DYNLT4: variants seen among roughly 807,000 people sequenced by gnomAD.
DYNLT4 encodes Tctex1 domain containing 4.
DYNLT4 carries 3 observed loss-of-function variants against 1.5 expected under a neutral mutation model. The ratio of observed to expected loss-of-function variants is 1.97; its 90% CI spans 0.90 to 5.08. DYNLT4 has a LOEUF of 5.08. Ranked by LOEUF, DYNLT4 falls within the 30% of genes most tolerant of loss-of-function variation. The pLI, the probability that DYNLT4 is intolerant of heterozygous loss-of-function variation, is 0.02. For missense variants in DYNLT4, 346 were observed against 341.0 expected (o/e 1.01, Z -0.12); for synonymous variants, 181 against 160.0 (o/e 1.13, Z -0.99).
chr1:44,807,307 C>T lies in DYNLT4; in HGVS notation c.-67+18G>A, dbSNP rs368632854. ...TTCTGAGATGGCTGCCCTCTGCTCC[C>T]GAAACTCCCTCAGGCACCTGAGTCA... is the stretch of plus-strand genomic sequence containing the variant. On this transcript the variant is annotated intron_variant, in intron 1 of 2. Coordinates refer to ENST00000339355, the MANE Select transcript of DYNLT4 (RefSeq NM_001377534.1). 1.5e-4 allele frequency among the ~76,000 whole-genome samples: 23 copies of T among 152,354 alleles called. No individual in the cohort carries two copies. The highest frequency in any genetic ancestry group is 1.4e-3 in the East Asian group (7 of 5,182).
intron 2 of DYNLT4, 21 bp from the exon 3 acceptor site, chr1:44,806,700 G>A: frequency 2.1e-6 from 3 of 1,432,576 alleles, no homozygotes; most frequent in Non-Finnish European, 2.7e-6. Context: ...CACACTCAGG[G>A]TGGCCTTCAC....
At position 44,806,471 on chromosome 1, in the gene DYNLT4, C is replaced by T. The variant is rs146912347; in HGVS notation, c.198G>A (p.Ser66=). The T allele has an allele frequency of 5.3e-3, 8,024 of 1,522,382 alleles. 41 individuals carry two copies. The highest frequency in any genetic ancestry group is 0.014 in the East Asian group (554 of 39,282). The allele number at this position is 1,522,382 out of a possible 1,614,324, so 94.3% of individuals were successfully genotyped here. A position where few individuals can be genotyped will look rare whatever the true frequency, so the allele number is the denominator to read the frequency against. The part of the protein sequence containing the change: ...GLAASFSRRN[S]LVGPGAGPGG... ...CAGGACCCGCGCCTGGCCCGACCAG[C>T]GAGTTGCGGCGGGAGAAGGACGCGG... The change falls in exon 3 of 3, where the codon TCG becomes TCA. Residue 66 remains serine, a synonymous_variant. Coordinates refer to ENST00000339355, the MANE Select transcript of DYNLT4 (RefSeq NM_001377534.1).
rs1445660139 is a variant in DYNLT4, at chr1:44,806,197, C to T, written c.472G>A (p.Val158Ile). 6.5e-7 allele frequency: 1 copy of T among 1,546,888 alleles called. No homozygotes were observed. Residue 158 changes from valine (V) to isoleucine (I), a missense_variant, in exon 3 of 3, where the codon GTT (valine) becomes ATT (isoleucine). Transcript: ENST00000339355. ...GGCGGGCTGAGCTCGCGCAGGCGAA[C>T]GTGCACCTGCTCGCAGAGCTCCCGC... ...LVRELCEQVH[V>I]RLRELSPPRY...
In DYNLT4 at chr1:44,806,510, GGAGCCCCGGCGCGAGGCCGGGGCTGGAC is replaced by G; in HGVS notation, c.131_158del (p.Gly44AlafsTer205). On this transcript the variant is annotated frameshift_variant, in exon 3 of 3. Transcript: ENST00000339355. LOFTEE classifies it low-confidence loss of function (END_TRUNC). The stretch of plus-strand genomic sequence containing the variant: ...AGAAGGACGCGGCCAGGCCCAGCAT[GGAGCCCCGGCGCGAGGCCGGGGCTGGAC>G]CTGGACCTGCCGGTCGGGCCTCATC... The G allele has an allele frequency of 6.7e-7, 1 of 1,503,402 alleles. No homozygotes were observed. The highest frequency in any genetic ancestry group is 8.8e-7 in the Non-Finnish European group (1 of 1,133,528). The allele number at this position is 1,503,402 out of a possible 1,614,324, so 93.1% of individuals were successfully genotyped here. A position where few individuals can be genotyped will look rare whatever the true frequency, so the allele number is the denominator to read the frequency against.
Position 44,806,383 on chromosome 1 carries a change from A to G in DYNLT4, c.286T>C (p.Leu96=). Residue 96 remains leucine (L), a synonymous_variant, in exon 3 of 3, where the codon TTG becomes CTG. Coordinates refer to ENST00000339355, the MANE Select transcript of DYNLT4 (RefSeq NM_001377534.1). ...PLGSRVSFSG[L]PLAPARWVAP... is the part of the protein sequence containing the mutation. ...ACCCAACGGGCGGGCGCCAGGGGCA[A>G]CCCTGAGAAGCTGACCCTTGAGCCC... The G allele has an allele frequency of 6.5e-7, 1 of 1,529,058 alleles. No homozygotes were observed. Among genetic ancestry groups the G allele is most frequent in the Non-Finnish European group, 8.7e-7 (1 of 1,144,006 alleles). 94.7% of individuals were successfully genotyped at this position (1,529,058 alleles called of 1,614,324 possible).
At position 44,806,521 on chromosome 1, in the gene DYNLT4, GCGAGGC is replaced by G. The variant is rs1323252312; in HGVS notation, c.142_147del (p.Ala48_Ser49del). On this transcript the variant is annotated inframe_deletion, in exon 3 of 3. Transcript: ENST00000339355. ...GCCAGGCCCAGCATGGAGCCCCGGC[GCGAGGC>G]CGGGGCTGGACCTGGACCTGCCGGT... 4.7e-6 allele frequency: 7 copies of G among 1,496,146 alleles called. No individual in the cohort carries two copies. The East Asian group carries it at 1.8e-4, about 39-fold the overall frequency. The allele number at this position is 1,496,146 out of a possible 1,614,324, so 92.7% of individuals were successfully genotyped here.
Position 44,806,481 on chromosome 1 carries a change from C to A in DYNLT4, c.188G>T (p.Arg63Leu). 6.6e-7 allele frequency: 1 copy of A among 1,516,558 alleles called. No homozygotes were observed. Among genetic ancestry groups the A allele is most frequent in the Non-Finnish European group, 8.8e-7 (1 of 1,138,624 alleles). 93.9% of individuals were successfully genotyped at this position (1,516,558 alleles called of 1,614,324 possible). The change falls in exon 3 of 3, where the codon CGC becomes CTC. Residue 63 changes from arginine to leucine, a missense_variant. Arg to Leu is a moderately radical substitution (Grantham distance 102). Transcript: ENST00000339355. ...SMLGLAASFS[R>L]RNSLVGPGAG... The stretch of plus-strand genomic sequence containing the variant: ...GCCTGGCCCGACCAGCGAGTTGCGG[C>A]GGGAGAAGGACGCGGCCAGGCCCAG...
rs1408831317 is a variant in DYNLT4 at position 44,806,204 on chromosome 1, C to T, written c.465G>A (p.Gln155=). 4 of 1,543,782 alleles carry T rather than the reference C, an allele frequency of 2.6e-6. No homozygotes were observed. The highest frequency in any genetic ancestry group is 2.6e-6 in the Non-Finnish European group (3 of 1,148,440). The stretch of plus-strand genomic sequence containing the variant: ...TGAGCTCGCGCAGGCGAACGTGCAC[C>T]TGCTCGCAGAGCTCCCGCACCAGCC... The part of the protein sequence containing the change: ...AARLVRELCE[Q]VHVRLRELSP... Residue 155 remains glutamine (Q), a synonymous_variant, in exon 3 of 3, where the codon CAG becomes CAA. Transcript: ENST00000339355.
Position 44,806,771 on chromosome 1 carries a change from A to AC in DYNLT4, c.-12+12dup. On this transcript the variant is annotated intron_variant, in intron 2 of 2. Transcript: ENST00000339355. ...GTGATGTCAAGGGTTTTTACCTTCTACCCCCTTCTTACCTGTGTTTTAGAA... is the reference window on the plus strand; with the variant it reads ...GTGATGTCAAGGGTTTTTACCTTCTACCCCCCTTCTTACCTGTGTTTTAGAA... The AC allele has an allele frequency of 1.5e-6, 2 of 1,360,270 alleles. No individual in the cohort carries two copies. The highest frequency in any genetic ancestry group is 7.6e-5 in the Admixed American group (2 of 26,440). The allele number at this position is 1,360,270 out of a possible 1,614,324, so 84.3% of individuals were successfully genotyped here.
Position 44,806,103 on chromosome 1 carries a change from C to T in DYNLT4, c.566G>A (p.Arg189His), listed in dbSNP as rs1362806633. 1.4e-5 allele frequency: 22 copies of T among 1,608,422 alleles called. No individual in the cohort carries two copies. The highest frequency in any genetic ancestry group is 1.9e-5 in the Non-Finnish European group (22 of 1,178,040). ...RAGQGVHVVS[R>H]ALWDVARDGL... Reference sequence around the variant, plus strand: ...ATCGCGCGCCACGTCCCAGAGCGCACGGCTGACCACGTGAACGCCCTGGCC... The same window carrying T: ...ATCGCGCGCCACGTCCCAGAGCGCATGGCTGACCACGTGAACGCCCTGGCC... Residue 189 changes from arginine (R) to histidine (H), a missense_variant, in exon 3 of 3, where the codon CGT becomes CAT. Arg to His is a conservative substitution (Grantham distance 29). Transcript: ENST00000339355.
In DYNLT4 at chr1:44,806,272, C is replaced by CG. The variant is rs755815848; in HGVS notation, c.396dup (p.Ala133ArgfsTer103). On this transcript the variant is annotated frameshift_variant, in exon 3 of 3. Transcript: ENST00000339355. LOFTEE classifies it low-confidence loss of function (END_TRUNC). Reference sequence around the variant, plus strand: ...GAGTAGCACGCGTCGTGCAGCCCTGCGGCCAGCGCCGCCTCCAGGGCACGC... The same window carrying CG: ...GAGTAGCACGCGTCGTGCAGCCCTGCGGGCCAGCGCCGCCTCCAGGGCACGC... The CG allele has an allele frequency of 1.3e-6, 2 of 1,489,248 alleles. No individual in the cohort carries two copies. 92.3% of individuals were successfully genotyped at this position (1,489,248 alleles called of 1,614,324 possible). A position where few individuals can be genotyped will look rare whatever the true frequency, so the allele number is the denominator to read the frequency against.
rs753698301 is a variant in DYNLT4, at chr1:44,806,398, C to T, written c.271G>A (p.Val91Ile). 1 of 1,527,966 alleles carries T rather than the reference C, an allele frequency of 6.5e-7. No homozygotes were observed. Among genetic ancestry groups the T allele is most frequent in the Non-Finnish European group, 8.7e-7 (1 of 1,143,256 alleles). The allele number at this position is 1,527,966 out of a possible 1,614,324, so 94.7% of individuals were successfully genotyped here. A position where few individuals can be genotyped will look rare whatever the true frequency, so the allele number is the denominator to read the frequency against. Residue 91 changes from valine to isoleucine, a missense_variant, in exon 3 of 3, where the codon GTC (valine) becomes ATC (isoleucine). Transcript: ENST00000339355. Reference sequence around the variant, plus strand: ...GCCAGGGGCAACCCTGAGAAGCTGACCCTTGAGCCCAGAGGGGGCACCGGG... The same window carrying T: ...GCCAGGGGCAACCCTGAGAAGCTGATCCTTGAGCCCAGAGGGGGCACCGGG... ...LGPVPPLGSRVSFSGLPLAPA... is the reference protein window; with the variant it reads ...LGPVPPLGSRISFSGLPLAPA...
chr1:44,806,354 C>A lies in DYNLT4; in HGVS notation c.315G>T (p.Ala105=). 1 of 1,518,084 alleles carries A rather than the reference C, an allele frequency of 6.6e-7. No individual in the cohort carries two copies. The highest frequency in any genetic ancestry group is 8.8e-7 in the Non-Finnish European group (1 of 1,139,268). 94.0% of individuals were successfully genotyped at this position (1,518,084 alleles called of 1,614,324 possible). ...GLPLAPARWV[A]PSYRTEPVPG... is the part of the protein sequence containing the mutation. ...GCACTGGCTCCGTGCGGTAGGAGGG[C>A]GCCACCCAACGGGCGGGCGCCAGGG... Residue 105 remains alanine (A), a synonymous_variant, in exon 3 of 3, where the codon GCG becomes GCT. Coordinates refer to ENST00000339355, the MANE Select transcript of DYNLT4 (RefSeq NM_001377534.1).
In DYNLT4 at chr1:44,806,368, C is replaced by T; in HGVS notation, c.301G>A (p.Ala101Thr). The T allele has an allele frequency of 1.3e-6, 2 of 1,523,592 alleles. No individual in the cohort carries two copies. Among genetic ancestry groups the T allele is most frequent in the African/African-American group, 1.4e-5 (1 of 70,172 alleles). 94.4% of individuals were successfully genotyped at this position (1,523,592 alleles called of 1,614,324 possible). A position where few individuals can be genotyped will look rare whatever the true frequency, so the allele number is the denominator to read the frequency against. Residue 101 changes from alanine to threonine, a missense_variant, in exon 3 of 3, where the codon GCC becomes ACC. By Grantham distance (58) the Ala-to-Thr change is moderately conservative. Transcript: ENST00000339355. ...VSFSGLPLAP[A>T]RWVAPSYRTE... is the part of the protein sequence containing the mutation. ...CGGTAGGAGGGCGCCACCCAACGGGCGGGCGCCAGGGGCAACCCTGAGAAG... is the reference window on the plus strand; with the variant it reads ...CGGTAGGAGGGCGCCACCCAACGGGTGGGCGCCAGGGGCAACCCTGAGAAG...
At chr1:44,806,731 C>G in intron 2 of DYNLT4, 52 bp from the exon 3 acceptor site, 1 of 1,398,724 alleles carries the variant, frequency 7.1e-7, no homozygotes, top group South Asian at 1.6e-5. Context: ...TCTACCCACC[C>G]CAGCCTCTTG....
In DYNLT4 at chr1:44,806,316, C is replaced by T; in HGVS notation, c.353G>A (p.Trp118Ter). The T allele has an allele frequency of 1.3e-6, 2 of 1,485,228 alleles. No individual in the cohort carries two copies. The highest frequency in any genetic ancestry group is 1.8e-6 in the Non-Finnish European group (2 of 1,125,012). The allele number at this position is 1,485,228 out of a possible 1,614,324, so 92.0% of individuals were successfully genotyped here. ...YRTEPVPGER[W>*]EAARAQRALE... ...GGCACGCTGTGCACGCGCAGCCTCC[C>T]AGCGCTCCCCGGGCACTGGCTCCGT... Residue 118 changes from tryptophan to a stop codon, truncating the protein, a stop_gained, in exon 3 of 3, where the codon TGG (tryptophan) becomes TAG (stop). Transcript: ENST00000339355. LOFTEE classifies it low-confidence loss of function (END_TRUNC).
chr1:44,806,489 G>T lies in DYNLT4; in HGVS notation c.180C>A (p.Ser60=). Residue 60 remains serine (S), a synonymous_variant, in exon 3 of 3, where the codon TCC becomes TCA. Coordinates refer to ENST00000339355, the MANE Select transcript of DYNLT4 (RefSeq NM_001377534.1). ...CGACCAGCGAGTTGCGGCGGGAGAA[G>T]GACGCGGCCAGGCCCAGCATGGAGC... is the stretch of plus-strand genomic sequence containing the variant. ...RRGSMLGLAA[S]FSRRNSLVGP... is the part of the protein sequence containing the mutation. 1.3e-6 allele frequency: 2 copies of T among 1,513,330 alleles called. No homozygotes were observed. The highest frequency in any genetic ancestry group is 1.8e-6 in the Non-Finnish European group (2 of 1,137,208). 93.7% of individuals were successfully genotyped at this position (1,513,330 alleles called of 1,614,324 possible).
Position 44,806,133 on chromosome 1 carries a change from C to A in DYNLT4, c.536G>T (p.Arg179Leu), listed in dbSNP as rs1403928307. The change falls in exon 3 of 3, where the codon CGC becomes CTC. Residue 179 changes from arginine (R) to leucine (L), a missense_variant. Arg to Leu is a moderately radical substitution (Grantham distance 102). Coordinates refer to ENST00000339355, the MANE Select transcript of DYNLT4 (RefSeq NM_001377534.1). The stretch of plus-strand genomic sequence containing the variant: ...GACCACGTGAACGCCCTGGCCCGCG[C>A]GCGGCCCCAGCACCACACTGCATAC... ...KLVCSVVLGP[R>L]AGQGVHVVSR... The A allele has an allele frequency of 8.8e-6, 14 of 1,597,776 alleles. No individual in the cohort carries two copies. The highest frequency in any genetic ancestry group is 1.2e-5 in the Non-Finnish European group (14 of 1,173,586).
Position 44,806,647 on chromosome 1 carries a change from G to A in DYNLT4, c.22C>T (p.Pro8Ser), listed in dbSNP as rs1182815290. The A allele has an allele frequency of 6.8e-7, 1 of 1,466,872 alleles. No individual in the cohort carries two copies. Among genetic ancestry groups the A allele is most frequent in the Non-Finnish European group, 9.0e-7 (1 of 1,112,524 alleles). The allele number at this position is 1,466,872 out of a possible 1,614,324, so 90.9% of individuals were successfully genotyped here. A position where few individuals can be genotyped will look rare whatever the true frequency, so the allele number is the denominator to read the frequency against. MASRPLP[P>S]GRQEEENAKD... is the part of the protein sequence containing the mutation. Reference sequence around the variant, plus strand: ...GCATTCTCCTCCTCCTGGCGTCCCGGGGGCAGAGGCCTGCTGGCCATGGAC... The same window carrying A: ...GCATTCTCCTCCTCCTGGCGTCCCGAGGGCAGAGGCCTGCTGGCCATGGAC... Residue 8 changes from proline to serine, a missense_variant, in exon 3 of 3, where the codon CCG becomes TCG. Pro to Ser is a moderately conservative substitution (Grantham distance 74). Coordinates refer to ENST00000339355, the MANE Select transcript of DYNLT4 (RefSeq NM_001377534.1).
Sources: gnomAD v4.1 joint callset for allele counts (sites outside exome capture counted in the v4.1 genomes callset) on GRCh38, gnomAD v4.1.1 for gene constraint, MANE v1.5 for transcripts, NCBI Gene and HGNC (gene_info 2026-07-23, HGNC 2026-07-21) for gene names.